TMEM131L: variants seen among roughly 807,000 people sequenced by gnomAD.
TMEM131L encodes the protein transmembrane protein 131-like.
Under a neutral mutation model 192.2 loss-of-function variants are expected in TMEM131L, and 54 were observed. The ratio of observed to expected loss-of-function variants is 0.28; its 90% CI spans 0.23 to 0.35. The LOEUF (loss-of-function observed/expected upper bound fraction) is 0.35. Ranked by LOEUF, TMEM131L falls within the 10% of genes least tolerant of loss-of-function variation. The pLI, the probability that TMEM131L is intolerant of heterozygous loss-of-function variation, is 1.00. For synonymous variants in TMEM131L, 701 were observed against 704.9 expected (o/e 0.99, Z 0.09); for missense variants, 1,888 against 1,972.9 (o/e 0.96, Z 0.82).
intron 3 of TMEM131L, among the ~76,000 whole-genome samples, chr4:153,535,013 T>A (rs1736207557): frequency 6.6e-6 from 1 of 151,982 alleles, no homozygotes; most frequent in African/African-American, 2.4e-5. Flanking sequence ...GTGATGCCAT[T>A]TGAATTAGGT....
chr4:153,467,810 GATGAT>G (rs1730868690), intron 2 of TMEM131L, among the ~76,000 whole-genome samples: 1 of 152,120 alleles, frequency 6.6e-6, no homozygotes, highest in Non-Finnish European at 1.5e-5. Flanking sequence ...TTCTCTGTAT[GATGAT>G]ATGATGATTG....
chr4:153,493,345 C>CAAAAAAAAAAAAAAAAA (rs35052272), intron 3 of TMEM131L, among the ~76,000 whole-genome samples: 3 of 72,862 alleles, frequency 4.1e-5, no homozygotes, highest in African/African-American at 2.0e-4. Context: ...GACTCTGTCT[C>CAAAAAAAAAAAAAAAAA]AAAAAAAAAA....
intron 7 of TMEM131L, among the ~76,000 whole-genome samples, chr4:153,564,314 A>AAAAAG (rs1561196159): frequency 1.3e-5 from 2 of 149,118 alleles, no homozygotes; most frequent in African/African-American, 5.0e-5. Flanking sequence ...AAAAAAAAAA[A>AAAAAG]GGCCCAAGGG....
chr4:153,467,313 G>A, intron 2 of TMEM131L, 32 bp downstream of exon 2: 1 of 1,540,304 alleles, frequency 6.5e-7, no homozygotes, highest in Non-Finnish European at 8.8e-7. Flanking sequence ...GGCGGCTGTG[G>A]GTGTACGAGG....
At chr4:153,531,405 C>G (rs1010355372) in intron 3 of TMEM131L, among the ~76,000 whole-genome samples, 2 of 152,206 alleles carry the variant, frequency 1.3e-5, no homozygotes, top group African/African-American at 4.8e-5. Context: ...AAAGATTCCA[C>G]TACAGAGGAT....
intron 3 of TMEM131L, among the ~76,000 whole-genome samples, chr4:153,529,697 T>A (rs1708684805): frequency 6.6e-6 from 1 of 152,240 alleles, no homozygotes; most frequent in African/African-American, 2.4e-5. Flanking sequence ...CGCTGTGGTA[T>A]ACTCTCTGGT....
intron 2 of TMEM131L, among the ~76,000 whole-genome samples, chr4:153,467,517 A>C (rs1730849718): frequency 6.6e-6 from 1 of 152,256 alleles, no homozygotes; most frequent in Non-Finnish European, 1.5e-5. Context: ...GTGGGAACCC[A>C]GGCCACCTCA....
At chr4:153,476,195 G>A (rs998614158) in intron 3 of TMEM131L, among the ~76,000 whole-genome samples, 3 of 152,084 alleles carry the variant, frequency 2.0e-5, no homozygotes, top group Non-Finnish European at 4.4e-5. Context: ...CTAACCTCAG[G>A]TTATCCGCCG....
At chr4:153,591,228 G>T in intron 17 of TMEM131L, 34 bp downstream of exon 17, 1 of 1,545,444 alleles carries the variant, frequency 6.5e-7, no homozygotes, top group Non-Finnish European at 8.7e-7. Flanking sequence ...TTCTTTGTCA[G>T]TGACTCCCCA....
At chr4:153,586,765 T>TTA (rs1304850434) in intron 14 of TMEM131L, among the ~76,000 whole-genome samples, 13 of 152,208 alleles carry the variant, frequency 8.5e-5, no homozygotes. Flanking sequence ...TATTTGGATC[T>TTA]CTTCTAAGTG....
intron 28 of TMEM131L, among the ~76,000 whole-genome samples, chr4:153,622,245 G>A (rs985821517): frequency 6.6e-6 from 1 of 152,198 alleles, no homozygotes; most frequent in African/African-American, 2.4e-5. Context: ...GCTGGGCAGT[G>A]TCCCTGGGAG....
At chr4:153,508,677 A>T (rs1417336108) in intron 3 of TMEM131L, among the ~76,000 whole-genome samples, 6 of 149,776 alleles carry the variant, frequency 4.0e-5, no homozygotes, top group Admixed American at 1.3e-4. Context: ...GTTTTTTTTT[A>T]ATTTTTTTTT....
rs1311301366 is a variant in TMEM131L at position 153,596,264 on chromosome 4, C to T, written c.2002C>T (p.His668Tyr). 1.2e-6 allele frequency: 2 copies of T among 1,613,688 alleles called. No individual in the cohort carries two copies. Among genetic ancestry groups the T allele is most frequent in the East Asian group, 2.2e-5 (1 of 44,890 alleles). Residue 668 changes from histidine (H) to tyrosine (Y), a missense_variant, in exon 20 of 35, where the codon CAT becomes TAT. Physicochemically the swap from His to Tyr is moderately conservative, Grantham distance 83. Coordinates refer to ENST00000409959, the MANE Select transcript of TMEM131L (RefSeq NM_001131007.2). ...TTAATTTGTTAATTTGCAGGGTACG[C>T]ATTCTGAGGAATCCAGGTTTGGCAT... ...LTEACPYLGT[H>Y]SEESRFGILH... is the part of the protein sequence containing the mutation.
intron 26 of TMEM131L, among the ~76,000 whole-genome samples, chr4:153,615,879 C>T (rs1334699784): frequency 6.6e-6 from 1 of 152,234 alleles, no homozygotes; most frequent in African/African-American, 2.4e-5. Flanking sequence ...AAACTCTCCT[C>T]CCAGTACTGA....
intron 31 of TMEM131L, 25 bp downstream of exon 31, chr4:153,627,712 G>A: frequency 1.3e-6 from 2 of 1,578,224 alleles, no homozygotes; most frequent in Non-Finnish European, 1.7e-6. Context: ...TCTTGCTGCA[G>A]ACATCAGCCA....
intron 3 of TMEM131L, among the ~76,000 whole-genome samples, chr4:153,490,526 C>G (rs538498487): frequency 6.6e-6 from 1 of 152,068 alleles, no homozygotes; most frequent in Non-Finnish European, 1.5e-5. Context: ...CATTAATTCA[C>G]CACTTTCAGG....
intron 3 of TMEM131L, among the ~76,000 whole-genome samples, chr4:153,491,918 C>T (rs889656794): frequency 6.6e-6 from 1 of 152,092 alleles, no homozygotes; most frequent in Non-Finnish European, 1.5e-5. Context: ...GTTTCCCAGG[C>T]TGGTCTTGAA....
At chr4:153,591,654 C>T (rs931901993) in intron 17 of TMEM131L, among the ~76,000 whole-genome samples, 1 of 152,136 alleles carries the variant, frequency 6.6e-6, no homozygotes, top group African/African-American at 2.4e-5. Context: ...GAAGGACGTG[C>T]CTCCAGCAGA....
chr4:153,539,492 ATTT>A (rs750436196), intron 3 of TMEM131L, among the ~76,000 whole-genome samples: 1,925 of 110,730 alleles, frequency 0.017, 46 homozygotes, highest in African/African-American at 0.068. Flanking sequence ...CAGAGGCTAG[ATTT>A]TTTTTTTTTT....
Sources: gnomAD v4.1 joint callset for allele counts (sites outside exome capture counted in the v4.1 genomes callset) on GRCh38, gnomAD v4.1.1 for gene constraint, MANE v1.5 for transcripts, NCBI Gene and HGNC (gene_info 2026-07-23, HGNC 2026-07-21) for gene names.